TAPT1: variants seen among roughly 807,000 people sequenced by gnomAD.
TAPT1 encodes the protein transmembrane anterior posterior transformation protein 1 homolog.
Under a neutral mutation model 65.6 loss-of-function variants are expected in TAPT1, and 28 were observed. The observed-to-expected ratio is 0.43, with a 90% CI of 0.32 to 0.59. The LOEUF (loss-of-function observed/expected upper bound fraction) is 0.59. Among genes scored for constraint, TAPT1 ranks in the 20% least tolerant of loss-of-function variants. TAPT1 has a pLI of 0.09. For missense variants in TAPT1, 563 were observed against 679.9 expected (o/e 0.83, Z 1.91); for synonymous variants, 278 against 245.2 (o/e 1.13, Z -1.25).
Position 16,166,730 on chromosome 4 carries a change from C to T in TAPT1, c.1377G>A (p.Lys459=), listed in dbSNP as rs748404527. 6.2e-7 allele frequency: 1 copy of T among 1,613,954 alleles called. No homozygotes were observed. The highest frequency in any genetic ancestry group is 8.5e-7 in the Non-Finnish European group (1 of 1,179,878). Residue 459 remains lysine (K), a synonymous_variant, in exon 13 of 14, where the codon AAG becomes AAA. Coordinates refer to ENST00000405303, the MANE Select transcript of TAPT1 (RefSeq NM_153365.3). The part of the protein sequence containing the change: ...VLLGKSCQYV[K]EAKMEEKLSN... ...ACAGCTTCTCTTCCATTTTGGCTTCCTTCACATACTGGCACGATTTCCCCA... is the reference window on the plus strand; with the variant it reads ...ACAGCTTCTCTTCCATTTTGGCTTCTTTCACATACTGGCACGATTTCCCCA...
At chr4:16,178,033 T>C (rs890906160) in intron 8 of TAPT1, among the ~76,000 whole-genome samples, 2 of 152,198 alleles carry the variant, frequency 1.3e-5, no homozygotes, top group Non-Finnish European at 2.9e-5. Context: ...ATAAAGACTA[T>C]TTGTCTTTTG....
chr4:16,213,701 T>G, intron 2 of TAPT1, 67 bp downstream of exon 2: 3 of 1,393,372 alleles, frequency 2.2e-6, no homozygotes, highest in Non-Finnish European at 1.9e-6. Context: ...GTTGACCATT[T>G]TTTTGCATAA....
In TAPT1 at chr4:16,170,697, C is replaced by T. The variant is rs375942662; in HGVS notation, c.1269G>A (p.Val423=). 39 of 1,613,590 alleles carry T rather than the reference C, an allele frequency of 2.4e-5. No individual in the cohort carries two copies. Among genetic ancestry groups the T allele is most frequent in the Non-Finnish European group, 3.2e-5 (38 of 1,179,702 alleles). ...CACAGGCATAAGACAGGATTCCTTGCACTTTAATTGAGCTTGTTACAACTC... is the reference window on the plus strand; with the variant it reads ...CACAGGCATAAGACAGGATTCCTTGTACTTTAATTGAGCTTGTTACAACTC... ...LIRVVTSSIK[V]QGILSYACVI... is the part of the protein sequence containing the mutation. The change falls in exon 12 of 14, where the codon GTG becomes GTA. Residue 423 remains valine, a synonymous_variant. Transcript: ENST00000405303.
intron 9 of TAPT1, among the ~76,000 whole-genome samples, chr4:16,175,196 T>C (rs1370422510): frequency 6.6e-6 from 1 of 152,126 alleles, no homozygotes; most frequent in Non-Finnish European, 1.5e-5. Flanking sequence ...TGAATGATCA[T>C]TACCACTAAA....
Position 16,161,968 on chromosome 4 carries a change from A to G in TAPT1, c.*1340T>C, listed in dbSNP as rs562717577. The G allele has an allele frequency of 6.6e-6, 1 of 152,352 alleles. No individual in the cohort carries two copies. Among genetic ancestry groups the G allele is most frequent in the South Asian group, 2.1e-4 (1 of 4,824 alleles). The allele number at this position is 152,352 out of a possible 1,614,324, so 9.4% of individuals were successfully genotyped here. On this transcript the variant is annotated 3_prime_UTR_variant, in exon 14 of 14. Coordinates refer to ENST00000405303, the MANE Select transcript of TAPT1 (RefSeq NM_153365.3). ...ACAGTTCTGACACCAGAAGTTGTAG[A>G]AGTTTTACAGAAATGCAAACACGGT...
Position 16,162,901 on chromosome 4 carries a change from G to C in TAPT1, c.*407C>G. ...TGTTTGTGAAAATAGTATGAGACTG[G>C]AAAGATTACGTCGTGGTAAAAGTTT... On this transcript the variant is annotated 3_prime_UTR_variant, in exon 14 of 14. Coordinates refer to ENST00000405303, the MANE Select transcript of TAPT1 (RefSeq NM_153365.3). The C allele has an allele frequency of 4.8e-6, 2 of 420,616 alleles. No individual in the cohort carries two copies. Among genetic ancestry groups the C allele is most frequent in the Non-Finnish European group, 9.9e-6 (2 of 201,560 alleles). 26.1% of individuals were successfully genotyped at this position (420,616 alleles called of 1,614,324 possible). A position where few individuals can be genotyped will look rare whatever the true frequency, so the allele number is the denominator to read the frequency against.
Position 16,196,633 on chromosome 4 carries a change from GAAGGA to G in TAPT1, c.450-5115_450-5111del, listed in dbSNP as rs1159667086. 3.2e-6 allele frequency: 4 copies of G among 1,253,164 alleles called. No individual in the cohort carries two copies. In the East Asian group the frequency reaches 2.2e-4, roughly 70 times the overall value. 77.6% of individuals were successfully genotyped at this position (1,253,164 alleles called of 1,614,324 possible). On this transcript the variant is annotated intron_variant, in intron 3 of 13. Transcript: ENST00000405303. ...GAATGTCAATTTGGCCAAGAGTATA[GAAGGA>G]AAAATCAGGGTTTACTCACCACAAG... is the stretch of plus-strand genomic sequence containing the variant.
intron 12 of TAPT1, among the ~76,000 whole-genome samples, chr4:16,168,218 A>G (rs1747765668): frequency 6.6e-6 from 1 of 151,846 alleles, no homozygotes; most frequent in South Asian, 2.1e-4. Context: ...GGCTTAAGCA[A>G]TCTCCCACCT....
chr4:16,177,366 T>G (rs1748398854), intron 8 of TAPT1, among the ~76,000 whole-genome samples: 1 of 151,786 alleles, frequency 6.6e-6, no homozygotes. Context: ...AATGTAAGAG[T>G]GGGACACAGC....
In TAPT1 at chr4:16,203,850, AAT is replaced by A. The variant is rs145916098; in HGVS notation, c.331-1272_331-1271del. Among the ~76,000 whole-genome samples the A allele has an allele frequency of 4.3e-3, 661 of 152,360 alleles. 5 individuals are homozygous for A. The highest frequency in any genetic ancestry group is 0.015 in the African/African-American group (624 of 41,574). On this transcript the variant is annotated intron_variant, in intron 2 of 13. Coordinates refer to ENST00000405303, the MANE Select transcript of TAPT1 (RefSeq NM_153365.3). ...ATACACTTTATTAATTTTTGATAAA[AAT>A]ATCTCAAAAATATGCTACACATAAT... is the stretch of plus-strand genomic sequence containing the variant.
intron 13 of TAPT1, among the ~76,000 whole-genome samples, chr4:16,164,459 C>A (rs895824879): frequency 6.6e-6 from 1 of 152,204 alleles, no homozygotes; most frequent in Non-Finnish European, 1.5e-5. Context: ...TGAGCAAACA[C>A]TCAGGTCGTC....
At chr4:16,182,753 A>G (rs1035200091) in intron 7 of TAPT1, 2 of 152,218 alleles carry the variant, frequency 1.3e-5, no homozygotes, top group African/African-American at 4.8e-5. Flanking sequence ...GGGGTTCCAC[A>G]TTCAGCTAAC....
chr4:16,185,878 C>T (rs1748985059), intron 7 of TAPT1, among the ~76,000 whole-genome samples: 1 of 152,144 alleles, frequency 6.6e-6, no homozygotes, highest in Non-Finnish European at 1.5e-5. Context: ...GCTAAAACAC[C>T]ACCATTTCTT....
In TAPT1 at chr4:16,215,474, T is replaced by C. The variant is rs368301297; in HGVS notation, c.200-1576A>G. ...CTTGCTTATGTTAGGGTTTATTCCA[T>C]ATATATGTGTATGTACACACATACA... On this transcript the variant is annotated intron_variant, in intron 1 of 13. Transcript: ENST00000405303. 2.0e-5 allele frequency among the ~76,000 whole-genome samples: 3 copies of C among 152,150 alleles called. No homozygotes were observed. In the East Asian group the frequency reaches 5.8e-4, roughly 29 times the overall value.
At chr4:16,172,617 G>A (rs1209646606) in intron 11 of TAPT1, among the ~76,000 whole-genome samples, 1 of 152,120 alleles carries the variant, frequency 6.6e-6, no homozygotes, top group African/African-American at 2.4e-5. Context: ...GTGGTTGTCT[G>A]TAAAGGCACA....
intron 11 of TAPT1, among the ~76,000 whole-genome samples, chr4:16,171,984 G>A (rs1051875233): frequency 2.7e-4 from 41 of 151,786 alleles, no homozygotes; most frequent in African/African-American, 9.7e-4. Flanking sequence ...GAATTAACTT[G>A]TCACAGAGGC....
intron 4 of TAPT1, among the ~76,000 whole-genome samples, chr4:16,188,578 G>A (rs902726961): frequency 6.6e-6 from 1 of 152,280 alleles, no homozygotes. Flanking sequence ...AGACTAATTA[G>A]CTATGTTTGT....
intron 3 of TAPT1, among the ~76,000 whole-genome samples, chr4:16,195,005 T>TA (rs1749616351): frequency 6.6e-6 from 1 of 152,148 alleles, no homozygotes. Context: ...GGGCTGGGAT[T>TA]ACAGGCTTGA....
upstream of TAPT1, chr4:16,227,052 C>G (rs1330319011): frequency 2.2e-6 from 1 of 454,566 alleles, no homozygotes; most frequent in South Asian, 1.6e-5. Context: ...GCCCTGCCTG[C>G]CCGCTATTTT....
Sources: gnomAD v4.1 joint callset for allele counts (sites outside exome capture counted in the v4.1 genomes callset) on GRCh38, gnomAD v4.1.1 for gene constraint, MANE v1.5 for transcripts, NCBI Gene and HGNC (gene_info 2026-07-23, HGNC 2026-07-21) for gene names.